The following CLCA1 variants were observed in gnomAD, a reference collection of about 807,000 sequenced individuals.
The protein encoded by CLCA1 is calcium-activated chloride channel regulator 1.
In CLCA1, 59 loss-of-function variants were observed where a neutral mutation model predicts 85.6. That is an observed-to-expected ratio of 0.69 (90% CI 0.56 to 0.86). CLCA1 has a LOEUF of 0.86. Among genes scored for constraint, CLCA1 ranks in the 40% least tolerant of loss-of-function variants. The pLI, the probability that CLCA1 is intolerant of heterozygous loss-of-function variation, is 0.00. For missense variants in CLCA1, 1,022 were observed against 1,101.4 expected, an observed-to-expected ratio of 0.93 and a Z score of 1.02; for synonymous variants, 396 against 398.3, an observed-to-expected ratio of 0.99 and a Z score of 0.07.
chr1:86,488,381 T>A (rs1443143778), intron 7 of CLCA1, among the ~76,000 whole-genome samples: 1 of 152,152 alleles, frequency 6.6e-6, no homozygotes, highest in African/African-American at 2.4e-5. Context: ...AAAAAATAAA[T>A]AAATAATCCA....
rs1427551874 is a variant in CLCA1 at position 86,486,512 on chromosome 1, G to T, written c.955-14G>T. On this transcript the variant is annotated splice_polypyrimidine_tract_variant and intron_variant, in intron 6 of 13. Coordinates refer to ENST00000394711, the MANE Select transcript of CLCA1 (RefSeq NM_001285.4). ...TCTAAACGTAACCTGTTTTTCTTTTGCTTCTCCATTTAGACTGGTAACCGC... is the reference window on the plus strand; with the variant it reads ...TCTAAACGTAACCTGTTTTTCTTTTTCTTCTCCATTTAGACTGGTAACCGC... The T allele has an allele frequency of 1.9e-6, 3 of 1,608,422 alleles. No individual in the cohort carries two copies. Among genetic ancestry groups the T allele is most frequent in the African/African-American group, 1.3e-5 (1 of 74,540 alleles).
chr1:86,473,532 G>A lies in CLCA1; in HGVS notation c.278G>A (p.Arg93Lys), dbSNP rs1647558067. ...ETWKTKADYVRPKLETYKNAD... is the reference protein window; with the variant it reads ...ETWKTKADYVKPKLETYKNAD... ...TGGAAGACAAAGGCTGACTATGTGAGACCAAAACTTGAGACCTACAAAAAT... is the reference window on the plus strand; with the variant it reads ...TGGAAGACAAAGGCTGACTATGTGAAACCAAAACTTGAGACCTACAAAAAT... The change falls in exon 2 of 14, where the codon AGA (arginine) becomes AAA (lysine). Residue 93 changes from arginine to lysine, a missense_variant. Coordinates refer to ENST00000394711, the MANE Select transcript of CLCA1 (RefSeq NM_001285.4). The A allele has an allele frequency of 6.2e-7, 1 of 1,605,600 alleles. No homozygotes were observed. Among genetic ancestry groups the A allele is most frequent in the South Asian group, 1.1e-5 (1 of 89,620 alleles).
At chr1:86,495,946 AC>A (rs1648271250) in intron 12 of CLCA1, among the ~76,000 whole-genome samples, 2 of 152,184 alleles carry the variant, frequency 1.3e-5, no homozygotes, top group Admixed American at 6.5e-5. Context: ...TGGTCCACTA[AC>A]CCTTAGGGGG....
In CLCA1 at chr1:86,479,599, T is replaced by C. The variant is rs561725154; in HGVS notation, c.558-2606T>C. 4.6e-5 allele frequency among the ~76,000 whole-genome samples: 7 copies of C among 152,300 alleles called. No homozygotes were observed. In the East Asian group the frequency reaches 9.6e-4, roughly 21 times the overall value. Reference sequence around the variant, plus strand: ...TATAAAACTACATTAATTAAAACAATGTGAGCCAGGGCACAGTGGCTCACG... The same window carrying C: ...TATAAAACTACATTAATTAAAACAACGTGAGCCAGGGCACAGTGGCTCACG... On this transcript the variant is annotated intron_variant, in intron 4 of 13. Coordinates refer to ENST00000394711, the MANE Select transcript of CLCA1 (RefSeq NM_001285.4).
chr1:86,473,853 A>T lies in CLCA1; in HGVS notation c.428A>T (p.Lys143Met). Residue 143 changes from lysine to methionine, a missense_variant, in exon 3 of 14, where the codon AAG becomes ATG. By Grantham distance (95) the Lys-to-Met change is moderately conservative. Transcript: ENST00000394711. Reference protein sequence around the residue: ...HLTPDFIAGKKLAEYGPQGRA... With the variant: ...HLTPDFIAGKMLAEYGPQGRA... ...ACTCCTGATTTCATTGCAGGAAAAA[A>T]GTTAGCTGAATATGGACCACAAGGT... 6.2e-7 allele frequency: 1 copy of T among 1,607,616 alleles called. No individual in the cohort carries two copies. Among genetic ancestry groups the T allele is most frequent in the Non-Finnish European group, 8.5e-7 (1 of 1,177,644 alleles).
chr1:86,489,725 G>A (rs1648085646), intron 8 of CLCA1, among the ~76,000 whole-genome samples: 1 of 150,600 alleles, frequency 6.6e-6, no homozygotes, highest in Admixed American at 6.6e-5. Context: ...CCCATACACA[G>A]ACAGATGGTT....
chr1:86,484,780 AT>A (rs1647917850), intron 5 of CLCA1, among the ~76,000 whole-genome samples: 2 of 152,144 alleles, frequency 1.3e-5, no homozygotes, highest in African/African-American at 4.8e-5. Context: ...CAGTTTCCTA[AT>A]TTTGGTGATG....
chr1:86,475,346 A>C (rs899738949), intron 3 of CLCA1, among the ~76,000 whole-genome samples: 5 of 152,186 alleles, frequency 3.3e-5, no homozygotes, highest in African/African-American at 1.2e-4. Context: ...CTCCAAATTC[A>C]GCCTTCCTTG....
At chr1:86,482,486 T>A in intron 5 of CLCA1, 104 bp downstream of exon 5, 1 of 1,096,010 alleles carries the variant, frequency 9.1e-7, no homozygotes, top group Non-Finnish European at 1.3e-6. Context: ...AAATCATCAG[T>A]GAGCAGTGGA....
intron 4 of CLCA1, among the ~76,000 whole-genome samples, chr1:86,481,626 T>C (rs1647825287): frequency 6.6e-6 from 1 of 152,190 alleles, no homozygotes; most frequent in Non-Finnish European, 1.5e-5. Flanking sequence ...TTCATGCTTT[T>C]TGCCATTTTC....
intron 4 of CLCA1, among the ~76,000 whole-genome samples, chr1:86,479,721 T>C (rs1023997366): frequency 6.6e-6 from 1 of 152,010 alleles, no homozygotes; most frequent in African/African-American, 2.4e-5. Context: ...CTGTCTCTAC[T>C]AAAAATACAA....
At chr1:86,495,792 A>G (rs554859040) in intron 12 of CLCA1, 117 bp downstream of exon 12, 31 of 976,918 alleles carry the variant, frequency 3.2e-5, no homozygotes, top group South Asian at 8.1e-5. Context: ...CAACCTTGGC[A>G]TTATTAAGAT....
chr1:86,493,443 G>C lies in CLCA1; in HGVS notation c.1524G>C (p.Val508=). Residue 508 remains valine, a synonymous_variant, in exon 10 of 14, where the codon GTG becomes GTC. Coordinates refer to ENST00000394711, the MANE Select transcript of CLCA1 (RefSeq NM_001285.4). The part of the protein sequence containing the change: ...NSQWMNGTVI[V]DSTVGKDTLF... ...AGTGGATGAATGGCACAGTGATCGT[G>C]GACAGCACCGTGGGAAAGGACACTT... The C allele has an allele frequency of 1.2e-6, 2 of 1,614,042 alleles. No homozygotes were observed. The highest frequency in any genetic ancestry group is 1.7e-6 in the Non-Finnish European group (2 of 1,179,958).
At chr1:86,495,338 G>A (rs538514336) in intron 11 of CLCA1, among the ~76,000 whole-genome samples, 167 bp from the exon 12 acceptor site, 6 of 152,296 alleles carry the variant, frequency 3.9e-5, no homozygotes, top group Admixed American at 2.6e-4. Flanking sequence ...ACCACACACA[G>A]TGATAAAAGA....
intron 7 of CLCA1, 79 bp downstream of exon 7, chr1:86,486,832 A>T: frequency 1.6e-6 from 2 of 1,269,252 alleles, no homozygotes; most frequent in Non-Finnish European, 2.3e-6. Flanking sequence ...CAGTGTTTCC[A>T]TACATGCCTA....
chr1:86,486,873 A>T, intron 7 of CLCA1, 120 bp downstream of exon 7: 3 of 832,014 alleles, frequency 3.6e-6, no homozygotes, highest in Non-Finnish European at 5.8e-6. Context: ...ACCAAGGAGC[A>T]ATATTCCATA....
intron 8 of CLCA1, among the ~76,000 whole-genome samples, chr1:86,489,517 A>G (rs1648078397): frequency 6.6e-6 from 1 of 152,228 alleles, no homozygotes; most frequent in South Asian, 2.1e-4. Context: ...ACCATGGCAT[A>G]AGTGCTATAT....
At chr1:86,497,779 G>A (rs773486638) in intron 12 of CLCA1, among the ~76,000 whole-genome samples, 3 of 152,148 alleles carry the variant, frequency 2.0e-5, no homozygotes, top group Non-Finnish European at 4.4e-5. Flanking sequence ...CAAATAAATA[G>A]GAAAGATAAT....
At position 86,497,272 on chromosome 1, in the gene CLCA1, C is replaced by T. The variant is rs1648318089; in HGVS notation, c.2114-1300C>T. On this transcript the variant is annotated intron_variant, in intron 12 of 13. Coordinates refer to ENST00000394711, the MANE Select transcript of CLCA1 (RefSeq NM_001285.4). ...TCCCTCGATAAGCCTTAATGGCAGT[C>T]TCTACTGGTGCTTTCAACATGAACC... Among the ~76,000 whole-genome samples the T allele has an allele frequency of 2.0e-5, 3 of 152,210 alleles. No homozygotes were observed. The South Asian group carries it at 6.2e-4, about 32-fold the overall frequency.
Sources: gnomAD v4.1 joint callset for allele counts (sites outside exome capture counted in the v4.1 genomes callset) on GRCh38, gnomAD v4.1.1 for gene constraint, MANE v1.5 for transcripts, NCBI Gene and HGNC (gene_info 2026-07-23, HGNC 2026-07-21) for gene names.